Variants in CCDC175 observed in about 807,000 individuals in gnomAD.
CCDC175 encodes the protein coiled-coil domain-containing protein 175.
A neutral mutation model predicts 114.6 loss-of-function variants in CCDC175; 100 were observed. The observed-to-expected ratio is 0.87, with a 90% CI of 0.74 to 1.03. The LOEUF is 1.03. Among genes scored for constraint, CCDC175 ranks in the 50% least tolerant of loss-of-function variants. The pLI, the probability that CCDC175 is intolerant of heterozygous loss-of-function variation, is 0.00. For synonymous variants in CCDC175, 306 were observed against 308.7 expected (o/e 0.99, Z 0.09); for missense variants, 880 against 917.8 (o/e 0.96, Z 0.53).
chr14:59,563,759 T>C lies in CCDC175; in HGVS notation c.821A>G (p.Glu274Gly). 6.9e-7 allele frequency: 1 copy of C among 1,439,406 alleles called. No individual in the cohort carries two copies. Among genetic ancestry groups the C allele is most frequent in the South Asian group, 1.5e-5 (1 of 67,938 alleles). The allele number at this position is 1,439,406 out of a possible 1,614,324, so 89.2% of individuals were successfully genotyped here. A position where few individuals can be genotyped will look rare whatever the true frequency, so the allele number is the denominator to read the frequency against. ...KLQTKMSKIK[E>G]TVTVSAAVLS... ...TACCGCTGCGGAAACAGTAACTGTT[T>C]CTTTTATTTTTGACATTTTAGTTTG... is the stretch of plus-strand genomic sequence containing the variant. Residue 274 changes from glutamate (E) to glycine (G), a missense_variant, in exon 6 of 20, where the codon GAA becomes GGA. Physicochemically the swap from Glu to Gly is moderately conservative, Grantham distance 98. Transcript: ENST00000537690.
chr14:59,551,137 C>A (rs1021858130), intron 8 of CCDC175: 3 of 340,636 alleles, frequency 8.8e-6, no homozygotes, highest in African/African-American at 6.4e-5. Context: ...TGAAAAGTTA[C>A]CAAAAAACAG....
chr14:59,539,315 C>T (rs901432095), intron 11 of CCDC175, among the ~76,000 whole-genome samples: 7 of 152,356 alleles, frequency 4.6e-5, no homozygotes, highest in East Asian at 3.9e-4. Context: ...CAGTGGCTCA[C>T]GCCTATAATC....
At chr14:59,515,428 C>T (rs1253823646) in intron 17 of CCDC175, among the ~76,000 whole-genome samples, 1 of 152,164 alleles carries the variant, frequency 6.6e-6, no homozygotes, top group East Asian at 1.9e-4. Context: ...ACCCATCTCA[C>T]ATGCAGAGAC....
chr14:59,518,612 A>T (rs1893246252), intron 17 of CCDC175, among the ~76,000 whole-genome samples: 1 of 152,220 alleles, frequency 6.6e-6, no homozygotes, highest in Non-Finnish European at 1.5e-5. Flanking sequence ...TCAAAACCAC[A>T]ATGAGATACC....
At chr14:59,561,576 C>A (rs1320616457) in intron 6 of CCDC175, among the ~76,000 whole-genome samples, 2 of 152,104 alleles carry the variant, frequency 1.3e-5, no homozygotes, top group Non-Finnish European at 2.9e-5. Context: ...TTTATCATCC[C>A]AGGATACCAA....
intron 2 of CCDC175, 28 bp from the exon 3 acceptor site, chr14:59,572,841 AG>A (rs1423284228): frequency 7.4e-7 from 1 of 1,352,954 alleles, no homozygotes; most frequent in Non-Finnish European, 9.9e-7. Flanking sequence ...ATTTTTAAAA[AG>A]TTAAGACACT....
intron 6 of CCDC175, among the ~76,000 whole-genome samples, chr14:59,563,345 G>C (rs1381133475): frequency 2.0e-5 from 3 of 152,074 alleles, no homozygotes; most frequent in Admixed American, 6.6e-5. Context: ...TCAATAGAGA[G>C]CCTAAACTCT....
intron 17 of CCDC175, among the ~76,000 whole-genome samples, chr14:59,513,371 T>G (rs866152299): frequency 3.3e-5 from 5 of 151,414 alleles, no homozygotes; most frequent in Admixed American, 1.3e-4. Flanking sequence ...GGGGAGGCAC[T>G]GCCTCACCTG....
intron 17 of CCDC175, among the ~76,000 whole-genome samples, chr14:59,515,101 T>C (rs1223373585): frequency 2.6e-5 from 4 of 152,106 alleles, no homozygotes; most frequent in Non-Finnish European, 4.4e-5. Context: ...AAATCCTTTA[T>C]AGACAAGCAA....
chr14:59,568,165 A>G (rs973448177), intron 4 of CCDC175, 80 bp downstream of exon 4: 4 of 1,366,730 alleles, frequency 2.9e-6, no homozygotes, highest in Non-Finnish European at 3.9e-6. Flanking sequence ...TTCAGATCAG[A>G]GAGTAAACCC....
intron 7 of CCDC175, among the ~76,000 whole-genome samples, chr14:59,560,366 C>T (rs534670118): frequency 7.2e-5 from 11 of 152,180 alleles, no homozygotes; most frequent in Non-Finnish European, 1.2e-4. Context: ...CAGTAGTCCC[C>T]GGAAGCCATG....
At chr14:59,522,818 T>C (rs567308746) in intron 16 of CCDC175, among the ~76,000 whole-genome samples, 4 of 152,256 alleles carry the variant, frequency 2.6e-5, no homozygotes, top group Non-Finnish European at 4.4e-5. Context: ...CTTGTTCAGA[T>C]TGTTGCACTT....
intron 14 of CCDC175, 125 bp from the exon 15 acceptor site, chr14:59,527,299 A>G: frequency 1.9e-6 from 1 of 531,646 alleles, no homozygotes; most frequent in East Asian, 3.3e-5. Flanking sequence ...ACTGTCAGGC[A>G]CTCCACAATG....
intron 17 of CCDC175, among the ~76,000 whole-genome samples, chr14:59,514,301 A>G (rs923222033): frequency 3.9e-5 from 6 of 152,242 alleles, no homozygotes; most frequent in Non-Finnish European, 7.3e-5. Flanking sequence ...CAGCAATGGA[A>G]CAAAGTTGGA....
At chr14:59,513,214 C>T (rs1892851922) in intron 17 of CCDC175, among the ~76,000 whole-genome samples, 1 of 152,178 alleles carries the variant, frequency 6.6e-6, no homozygotes, top group Admixed American at 6.5e-5. Flanking sequence ...ATAGGAACAG[C>T]TCCAGTCTAC....
intron 13 of CCDC175, among the ~76,000 whole-genome samples, chr14:59,537,246 C>T (rs1449134384): frequency 6.6e-6 from 1 of 152,082 alleles, no homozygotes; most frequent in Non-Finnish European, 1.5e-5. Context: ...AACTGGCTGT[C>T]CTTGGGCCAG....
At position 59,574,946 on chromosome 14, in the gene CCDC175, T is replaced by C; in HGVS notation, c.240A>G (p.Lys80=). ...GTTCTTATAGATAATACAATACCAA[T>C]TTCTTAACAGCTACAGCAATGTCCT... ...FLKDIAVAVK[K]LEEMRKATID... is the part of the protein sequence containing the mutation. Residue 80 remains lysine, a synonymous_variant, in exon 2 of 20, where the codon AAA becomes AAG. Coordinates refer to ENST00000537690, the MANE Select transcript of CCDC175 (RefSeq NM_001164399.2). 2 of 1,460,196 alleles carry C rather than the reference T, an allele frequency of 1.4e-6. No individual in the cohort carries two copies. Among genetic ancestry groups the C allele is most frequent in the African/African-American group, 2.8e-5 (2 of 70,872 alleles). 90.5% of individuals were successfully genotyped at this position (1,460,196 alleles called of 1,614,324 possible).
intron 3 of CCDC175, among the ~76,000 whole-genome samples, chr14:59,570,730 C>T (rs1896800734): frequency 1.3e-5 from 1 of 75,390 alleles, no homozygotes; most frequent in African/African-American, 4.7e-5. Flanking sequence ...AATTAAGCCT[C>T]TCTCTTTTGT....
At chr14:59,554,940 C>T (rs1412846263) in intron 7 of CCDC175, among the ~76,000 whole-genome samples, 2 of 152,120 alleles carry the variant, frequency 1.3e-5, no homozygotes, top group Admixed American at 1.3e-4. Flanking sequence ...CCTGAATAGA[C>T]CAATAACAGG....
Sources: gnomAD v4.1 joint callset for allele counts (sites outside exome capture counted in the v4.1 genomes callset) on GRCh38, gnomAD v4.1.1 for gene constraint, MANE v1.5 for transcripts, NCBI Gene and HGNC (gene_info 2026-07-23, HGNC 2026-07-21) for gene names.